The following SORCS3 variants were observed in gnomAD, a reference collection of about 807,000 sequenced individuals.
The protein encoded by SORCS3 is VPS10 domain-containing receptor SorCS3.
SORCS3 carries 57 observed loss-of-function variants against 146.3 expected under a neutral mutation model. The ratio of observed to expected loss-of-function variants is 0.39; its 90% CI spans 0.31 to 0.49. The LOEUF is 0.49. Ranked by LOEUF, SORCS3 falls within the 20% of genes least tolerant of loss-of-function variation. The pLI is 0.92. For missense variants in SORCS3, 1,341 were observed against 1,575.5 expected (o/e 0.85, Z 2.52); for synonymous variants, 653 against 618.5 (o/e 1.06, Z -0.83).
At chr10:104,977,610 C>A in intron 4 of SORCS3, 117 bp downstream of exon 4, 2 of 926,044 alleles carry the variant, frequency 2.2e-6, no homozygotes, top group Non-Finnish European at 3.1e-6. Flanking sequence ...CATTCCAACC[C>A]AAATCATTTC....
rs368518444 is a variant in SORCS3 at position 104,907,301 on chromosome 10, C to T, written c.696-8532C>T. ...CTGGAGGGCTTCTTTCCTTCCCTTA[C>T]GTGCATGATACAAATAGGTCTTTTG... On this transcript the variant is annotated intron_variant, in intron 2 of 26. Transcript: ENST00000369701. Among the ~76,000 whole-genome samples the T allele has an allele frequency of 1.7e-4, 26 of 152,210 alleles. No individual in the cohort carries two copies. In the South Asian group the frequency reaches 5.0e-3, roughly 29 times the overall value.
intron 4 of SORCS3, among the ~76,000 whole-genome samples, chr10:105,039,912 G>C (rs1272908007): frequency 1.3e-5 from 2 of 152,102 alleles, no homozygotes; most frequent in African/African-American, 4.8e-5. Flanking sequence ...TGACCCTCAT[G>C]GTTTTTACCT....
At chr10:105,076,890 C>T (rs2055592659) in intron 5 of SORCS3, among the ~76,000 whole-genome samples, 1 of 152,134 alleles carries the variant, frequency 6.6e-6, no homozygotes, top group Non-Finnish European at 1.5e-5. Flanking sequence ...ACTACTTTAA[C>T]ACAATCATAA....
intron 1 of SORCS3, among the ~76,000 whole-genome samples, chr10:104,696,502 T>TAATATAG (rs2016202864): frequency 2.5e-5 from 1 of 40,238 alleles, no homozygotes. Flanking sequence ...ATAATATATA[T>TAATATAG]AATATATAAT....
At chr10:104,697,102 C>T (rs1001493806) in intron 1 of SORCS3, among the ~76,000 whole-genome samples, 1 of 151,824 alleles carries the variant, frequency 6.6e-6, no homozygotes, top group African/African-American at 2.4e-5. Flanking sequence ...TCACATTGAA[C>T]ACCTTGAAAA....
At chr10:104,892,896 T>A (rs2018762552) in intron 2 of SORCS3, among the ~76,000 whole-genome samples, 1 of 152,136 alleles carries the variant, frequency 6.6e-6, no homozygotes. Context: ...CTTACTGCCT[T>A]TCTGTAATTC....
chr10:104,881,305 C>T (rs936829071), intron 2 of SORCS3, among the ~76,000 whole-genome samples: 13 of 152,112 alleles, frequency 8.5e-5, no homozygotes, highest in Admixed American at 5.2e-4. Flanking sequence ...ACTGTAGCTT[C>T]GTGGTGTGCA....
At position 105,262,528 on chromosome 10, in the gene SORCS3, T is replaced by A; in HGVS notation, c.3604+37T>A. Reference sequence around the variant, plus strand: ...TGCTCCACTAAGCTCCCCTGTTCTGTGTCCTCTAAACACTGGCCTGCTTCA... The same window carrying A: ...TGCTCCACTAAGCTCCCCTGTTCTGAGTCCTCTAAACACTGGCCTGCTTCA... On this transcript the variant is annotated intron_variant, in intron 26 of 26. Coordinates refer to ENST00000369701, the MANE Select transcript of SORCS3 (RefSeq NM_014978.3). The A allele has an allele frequency of 1.9e-6, 3 of 1,594,070 alleles. No homozygotes were observed. The African/African-American group carries it at 4.0e-5, about 21-fold the overall frequency.
intron 1 of SORCS3, among the ~76,000 whole-genome samples, chr10:104,642,566 A>G (rs1436946003): frequency 2.0e-5 from 3 of 152,058 alleles, no homozygotes; most frequent in Non-Finnish European, 4.4e-5. Flanking sequence ...TTCCTCCTTC[A>G]AAGTCCAGGG....
At chr10:105,214,699 AC>A in intron 18 of SORCS3, 86 bp downstream of exon 18, 1 of 1,271,546 alleles carries the variant, frequency 7.9e-7, no homozygotes. Context: ...ATTCCCACAG[AC>A]CCCTGCACCA....
At chr10:105,114,274 G>A (rs2055878687) in intron 7 of SORCS3, among the ~76,000 whole-genome samples, 1 of 151,930 alleles carries the variant, frequency 6.6e-6, no homozygotes, top group African/African-American at 2.4e-5. Context: ...ATACTGACAA[G>A]TCTTCAAAAA....
At chr10:104,970,438 A>C (rs1023085439) in intron 3 of SORCS3, among the ~76,000 whole-genome samples, 1 of 152,130 alleles carries the variant, frequency 6.6e-6, no homozygotes, top group Non-Finnish European at 1.5e-5. Context: ...TAAGCCAAAA[A>C]GCCTCCTTCT....
At chr10:104,856,405 C>T (rs1461187506) in intron 2 of SORCS3, among the ~76,000 whole-genome samples, 1 of 145,188 alleles carries the variant, frequency 6.9e-6, no homozygotes, top group Non-Finnish European at 1.5e-5. Flanking sequence ...GAGAGAGAGA[C>T]CACTGTTATA....
chr10:104,705,859 C>A (rs1188905047), intron 1 of SORCS3, among the ~76,000 whole-genome samples: 1 of 152,138 alleles, frequency 6.6e-6, no homozygotes, highest in African/African-American at 2.4e-5. Flanking sequence ...TCCAGGAAGT[C>A]GAGAACTTCT....
chr10:104,996,810 T>G (rs919682416), intron 4 of SORCS3, among the ~76,000 whole-genome samples: 2 of 151,940 alleles, frequency 1.3e-5, no homozygotes, highest in African/African-American at 4.8e-5. Flanking sequence ...GACTTAATAA[T>G]AGAAAAAAAA....
chr10:104,722,684 G>A (rs183172988), intron 1 of SORCS3, among the ~76,000 whole-genome samples: 2,072 of 152,156 alleles, frequency 0.014, 39 homozygotes, highest in African/African-American at 0.041. Flanking sequence ...CAGAGATTCA[G>A]CTTCTTCCTG....
chr10:105,022,400 C>T (rs151284166), intron 4 of SORCS3, among the ~76,000 whole-genome samples: 67 of 150,530 alleles, frequency 4.5e-4, no homozygotes, highest in African/African-American at 1.6e-3. Flanking sequence ...TAGGTTCAAG[C>T]GATTCTACTG....
intron 3 of SORCS3, among the ~76,000 whole-genome samples, chr10:104,974,738 A>G (rs950208075): frequency 6.6e-6 from 1 of 152,164 alleles, no homozygotes; most frequent in East Asian, 1.9e-4. Context: ...TCCTGTCATT[A>G]TGATGTTAGC....
chr10:105,073,396 C>G (rs771140804), intron 5 of SORCS3, among the ~76,000 whole-genome samples: 1 of 152,178 alleles, frequency 6.6e-6, no homozygotes, highest in Non-Finnish European at 1.5e-5. Context: ...ACGCTGGACA[C>G]AGGGTGTTCA....
Sources: allele counts gnomAD v4.1 joint callset (sites outside exome capture counted in the v4.1 genomes callset), GRCh38; gene constraint gnomAD v4.1.1; transcripts MANE v1.5; gene names NCBI Gene and HGNC (gene_info 2026-07-23, HGNC 2026-07-21).